KIAA0586: variants seen among roughly 807,000 people sequenced by gnomAD.
KIAA0586 encodes KIAA0586, also known as protein TALPID3.
A neutral mutation model predicts 169.8 loss-of-function variants in KIAA0586; 144 were observed. The observed-to-expected ratio is 0.85, with a 90% CI of 0.74 to 0.97. KIAA0586 has a LOEUF of 0.97. Among genes scored for constraint, KIAA0586 ranks in the 50% least tolerant of loss-of-function variants. The pLI, the probability that KIAA0586 is intolerant of heterozygous loss-of-function variation, is 0.00. For synonymous variants in KIAA0586, 625 were observed against 612.4 expected, an observed-to-expected ratio of 1.02 and a Z score of -0.30; for missense variants, 1,854 against 1,823.0, an observed-to-expected ratio of 1.02 and a Z score of -0.31.
At position 58,429,426 on chromosome 14, in the gene KIAA0586, CAG is replaced by C; in HGVS notation, c.265_266del (p.Glu89LysfsTer2). On this transcript the variant is annotated frameshift_variant, in exon 2 of 31. Transcript: ENST00000652326. LOFTEE classifies it high-confidence loss of function. ...CCTCTATTAGAAAATCCCATGGTGT[CAG>C]AAAGTGTAAGCAAAAGGATTCTTAA... is the stretch of plus-strand genomic sequence containing the variant. 1 of 1,577,800 alleles carries C rather than the reference CAG, an allele frequency of 6.3e-7. No individual in the cohort carries two copies. The highest frequency in any genetic ancestry group is 2.2e-5 in the East Asian group (1 of 44,572).
intron 4 of KIAA0586, among the ~76,000 whole-genome samples, 163 bp downstream of exon 4, chr14:58,432,620 A>C (rs533528014): frequency 4.5e-4 from 68 of 152,366 alleles, no homozygotes; most frequent in South Asian, 3.7e-3. Context: ...ACTCAGTAGC[A>C]GTTAGCAGTT....
intron 4 of KIAA0586, among the ~76,000 whole-genome samples, chr14:58,442,349 C>A (rs561560295): frequency 6.6e-6 from 1 of 152,350 alleles, no homozygotes; most frequent in Non-Finnish European, 1.5e-5. Context: ...ACCTGGTGAT[C>A]CACCTGCCTT....
In KIAA0586 at chr14:58,444,449, A is replaced by G. The variant is rs183515153; in HGVS notation, c.807+274A>G. Reference sequence around the variant, plus strand: ...TTTTATTATTTATTTTTTGAGATGGAGTTTGCTATGGTTGCCCAGGCTGAA... The same window carrying G: ...TTTTATTATTTATTTTTTGAGATGGGGTTTGCTATGGTTGCCCAGGCTGAA... On this transcript the variant is annotated intron_variant, in intron 6 of 30. Transcript: ENST00000652326. Among the ~76,000 whole-genome samples, 4 of 151,844 alleles carry G rather than the reference A, an allele frequency of 2.6e-5. No individual in the cohort carries two copies. The South Asian group carries it at 6.2e-4, about 24-fold the overall frequency.
At chr14:58,534,407 C>G (rs989217924) in intron 29 of KIAA0586, among the ~76,000 whole-genome samples, 5 of 152,076 alleles carry the variant, frequency 3.3e-5, no homozygotes, top group Admixed American at 1.3e-4. Flanking sequence ...TAGACATAAA[C>G]TGAAACAGCA....
intron 4 of KIAA0586, among the ~76,000 whole-genome samples, chr14:58,441,525 A>G (rs890345756): frequency 9.2e-5 from 14 of 152,006 alleles, no homozygotes; most frequent in Admixed American, 9.2e-4. Flanking sequence ...TCTTATATAA[A>G]TATTTGGAGG....
intron 26 of KIAA0586, among the ~76,000 whole-genome samples, chr14:58,493,595 A>T (rs932898166): frequency 5.3e-5 from 8 of 152,214 alleles, no homozygotes; most frequent in Non-Finnish European, 7.3e-5. Context: ...TTAAAACTTT[A>T]AATGATTAGG....
chr14:58,531,342 T>A (rs139433163), intron 29 of KIAA0586, among the ~76,000 whole-genome samples: 3,564 of 142,260 alleles, frequency 0.025, 76 homozygotes, highest in Middle Eastern at 0.13. Context: ...AAAAAAAAAA[T>A]AAAATAAATA....
intron 29 of KIAA0586, among the ~76,000 whole-genome samples, chr14:58,532,388 T>A (rs1468317606): frequency 1.3e-5 from 2 of 152,206 alleles, no homozygotes; most frequent in Non-Finnish European, 2.9e-5. Flanking sequence ...GTGTTCAGCC[T>A]CAGCTTTTAG....
chr14:58,480,504 C>T (rs759165591), intron 20 of KIAA0586, among the ~76,000 whole-genome samples: 49 of 152,066 alleles, frequency 3.2e-4, no homozygotes, highest in Admixed American at 3.1e-3. Context: ...GTTGATGAAC[C>T]CTAAGCCATG....
intron 6 of KIAA0586, among the ~76,000 whole-genome samples, chr14:58,445,163 A>AC (rs2038769062): frequency 6.6e-6 from 1 of 151,764 alleles, no homozygotes; most frequent in Admixed American, 6.6e-5. Context: ...ACACATACAC[A>AC]AACACACATG....
intron 26 of KIAA0586, among the ~76,000 whole-genome samples, chr14:58,492,920 A>G (rs1431585442): frequency 6.6e-6 from 1 of 152,262 alleles, no homozygotes; most frequent in East Asian, 1.9e-4. Flanking sequence ...CTTTAGATGA[A>G]GAATCAGATA....
chr14:58,474,041 T>TG (rs2041424930), intron 18 of KIAA0586, among the ~76,000 whole-genome samples: 1 of 152,112 alleles, frequency 6.6e-6, no homozygotes, highest in Non-Finnish European at 1.5e-5. Flanking sequence ...AGGGTCCAGA[T>TG]GTGTCACAAA....
intron 3 of KIAA0586, among the ~76,000 whole-genome samples, chr14:58,431,209 G>A (rs912462675): frequency 2.0e-5 from 3 of 152,172 alleles, no homozygotes; most frequent in Non-Finnish European, 4.4e-5. Flanking sequence ...GTTTGCAATG[G>A]TGAAGGTTAT....
intron 6 of KIAA0586, 62 bp downstream of exon 6, chr14:58,444,237 TATTC>T: frequency 2.9e-6 from 3 of 1,028,268 alleles, no homozygotes; most frequent in Admixed American, 2.2e-5. Flanking sequence ...TCTCAGCCAG[TATTC>T]ATTGATAATT....
chr14:58,457,522 C>T (rs1321642657), intron 10 of KIAA0586, among the ~76,000 whole-genome samples: 1 of 152,232 alleles, frequency 6.6e-6, no homozygotes, highest in East Asian at 1.9e-4. Flanking sequence ...CCTGCCTCGG[C>T]CTCCCAAAGT....
chr14:58,555,620 AT>A (rs1223473228), downstream of KIAA0586, among the ~76,000 whole-genome samples: 1 of 151,874 alleles, frequency 6.6e-6, no homozygotes, highest in African/African-American at 2.4e-5. Flanking sequence ...TCGAATTTTG[AT>A]TTTTTTCATT....
At chr14:58,429,993 C>T (rs979670584) in intron 2 of KIAA0586, among the ~76,000 whole-genome samples, 2 of 152,076 alleles carry the variant, frequency 1.3e-5, no homozygotes, top group African/African-American at 4.8e-5. Flanking sequence ...TTTAATAAGT[C>T]TGTATAATGA....
rs780867053 is a variant in KIAA0586, at chr14:58,540,078, A to G, written c.4437A>G (p.Pro1479=). The G allele has an allele frequency of 6.5e-7, 1 of 1,546,412 alleles. No homozygotes were observed. The change falls in exon 30 of 31, where the codon CCA becomes CCG. Residue 1479 remains proline (P), a synonymous_variant. Transcript: ENST00000652326. ...DIAPSQQQVS[P]GDMDRTQIEL... Reference sequence around the variant, plus strand: ...AAATAAATTTTTATGTAGTTTCACCAGGTGATATGGATCGGACACAAATTG... The same window carrying G: ...AAATAAATTTTTATGTAGTTTCACCGGGTGATATGGATCGGACACAAATTG...
chr14:58,553,536 G>GTTTTT (rs111508643), downstream of KIAA0586, among the ~76,000 whole-genome samples: 6 of 144,416 alleles, frequency 4.2e-5, no homozygotes, highest in African/African-American at 1.3e-4. Flanking sequence ...AAATATCTGG[G>GTTTTT]TTTTTTTTTT....
Sources: allele counts gnomAD v4.1 joint callset (sites outside exome capture counted in the v4.1 genomes callset), GRCh38; gene constraint gnomAD v4.1.1; transcripts MANE v1.5; gene names NCBI Gene and HGNC (gene_info 2026-07-23, HGNC 2026-07-21).